PPME1: variants seen among roughly 807,000 people sequenced by gnomAD.
The protein encoded by PPME1 is testicular secretory protein Li 39.
A neutral mutation model predicts 56.9 loss-of-function variants in PPME1; 17 were observed. That is an observed-to-expected ratio of 0.30 (90% CI 0.20 to 0.45). The LOEUF (loss-of-function observed/expected upper bound fraction) is 0.45, where lower values mean the gene tolerates loss of function less well. Ranked by LOEUF, PPME1 falls within the 20% of genes least tolerant of loss-of-function variation. The probability of loss-of-function intolerance (pLI) is 1.00; values close to 1 mark genes in which losing one functional copy is unlikely to be tolerated. For synonymous variants in PPME1, 122 were observed against 156.2 expected (o/e 0.78, Z 1.63); for missense variants, 357 against 483.2 (o/e 0.74, Z 2.45).
Position 74,236,002 on chromosome 11 carries a change from G to A in PPME1, c.710+36G>A, listed in dbSNP as rs376466141. On this transcript the variant is annotated intron_variant, in intron 8 of 13. Transcript: ENST00000328257. ...CTCTTCCCCCTTGGTCTGGTTAGAG[G>A]CGGAAACATGGTGAGGGAATTACAG... 20 of 1,602,904 alleles carry A rather than the reference G, an allele frequency of 1.2e-5. No homozygotes were observed. In the African/African-American group the frequency reaches 2.4e-4, roughly 19 times the overall value.
At chr11:74,237,026 G>A (rs1412060472) in intron 8 of PPME1, among the ~76,000 whole-genome samples, 3 of 149,378 alleles carry the variant, frequency 2.0e-5, no homozygotes, top group African/African-American at 7.3e-5. Flanking sequence ...TTCCACTTCT[G>A]TCTCCCTCTT....
chr11:74,217,782 CAAT>C (rs2135642871), intron 3 of PPME1, among the ~76,000 whole-genome samples: 1 of 151,298 alleles, frequency 6.6e-6, no homozygotes, highest in South Asian at 2.1e-4. Flanking sequence ...GAATGTAACA[CAAT>C]AAAAGCCATA....
intron 1 of PPME1, among the ~76,000 whole-genome samples, chr11:74,200,035 A>G (rs1236396872): frequency 6.6e-6 from 1 of 152,174 alleles, no homozygotes. Flanking sequence ...AGTAACTTAA[A>G]CTTGTTATGC....
intron 8 of PPME1, chr11:74,238,703 C>A (rs1218028590): frequency 3.3e-5 from 5 of 152,760 alleles, no homozygotes; most frequent in Non-Finnish European, 7.3e-5. Context: ...GAGCCTTGTT[C>A]TACTATAAGC....
At chr11:74,212,726 C>G (rs1858512489) in intron 3 of PPME1, among the ~76,000 whole-genome samples, 1 of 152,116 alleles carries the variant, frequency 6.6e-6, no homozygotes, top group African/African-American at 2.4e-5. Context: ...AATTCCCAGA[C>G]AGCATGACAC....
At chr11:74,172,985 G>T (rs1857314081) in intron 1 of PPME1, among the ~76,000 whole-genome samples, 1 of 152,162 alleles carries the variant, frequency 6.6e-6, no homozygotes, top group South Asian at 2.1e-4. Flanking sequence ...TGGGGTAAAG[G>T]AATGGGAAAA....
rs1859049441 is a variant in PPME1 at position 74,230,942 on chromosome 11, A to G, written c.584A>G (p.Gln195Arg). The change falls in exon 7 of 14, where the codon CAG (glutamine) becomes CGG (arginine). Residue 195 changes from glutamine (Q) to arginine (R), a missense_variant. This residue lies in a region of PPME1 where 182 missense variants were observed against 293.8 expected (regional missense o/e 0.62). Transcript: ENST00000328257. The surrounding 1 kb of genome is among the most constrained non-coding windows in gnomAD (Gnocchi z 4.9). Reference protein sequence around the residue: ...GTAMDALNSMQNFLRGRPKTF... With the variant: ...GTAMDALNSMRNFLRGRPKTF... ...GCTATGGATGCACTTAATAGCATGC[A>G]GAATTTCTTACGGGGTCGTCCTAAA... 6.2e-7 allele frequency: 1 copy of G among 1,604,574 alleles called. No individual in the cohort carries two copies. Among genetic ancestry groups the G allele is most frequent in the Non-Finnish European group, 8.5e-7 (1 of 1,175,338 alleles).
At chr11:74,184,424 G>A (rs111711537) in intron 1 of PPME1, among the ~76,000 whole-genome samples, 1 of 152,058 alleles carries the variant, frequency 6.6e-6, no homozygotes, top group African/African-American at 2.4e-5. Flanking sequence ...ATGTGTCTTG[G>A]TATTCCCACC....
At chr11:74,212,110 G>C (rs1454018706) in intron 3 of PPME1, among the ~76,000 whole-genome samples, 1 of 152,200 alleles carries the variant, frequency 6.6e-6, no homozygotes, top group South Asian at 2.1e-4. Flanking sequence ...GGATAGAAAC[G>C]ACAGTCTTGA....
chr11:74,220,144 C>T (rs1009131466), intron 3 of PPME1, among the ~76,000 whole-genome samples: 19 of 152,120 alleles, frequency 1.2e-4, no homozygotes, highest in African/African-American at 4.3e-4. Flanking sequence ...ACCTATTTCT[C>T]CACACTTTCA....
At chr11:74,216,597 A>G (rs1858651409) in intron 3 of PPME1, among the ~76,000 whole-genome samples, 1 of 152,172 alleles carries the variant, frequency 6.6e-6, no homozygotes, top group Non-Finnish European at 1.5e-5. Flanking sequence ...AAGAGCAAGA[A>G]CAAACCAAAC....
intron 3 of PPME1, among the ~76,000 whole-genome samples, chr11:74,217,199 C>G (rs1179049268): frequency 6.6e-6 from 1 of 152,090 alleles, no homozygotes; most frequent in East Asian, 1.9e-4. Flanking sequence ...AACATTGATG[C>G]AGAAATCATC....
chr11:74,230,385 T>C lies in PPME1; in HGVS notation c.539T>C (p.Ile180Thr). ...LVPSLLGLCM[I>T]DVVEGTAMDA... ...CCAAGCCTCTTGGGTCTGTGCATGA[T>C]TGATGTTGTAGAAGGTGAGTTTTCT... Residue 180 changes from isoleucine to threonine, a missense_variant, in exon 6 of 14, where the codon ATT becomes ACT. Around this residue, in one of 2 missense-constraint regions of PPME1, gnomAD observed 182 missense variants for 293.8 expected, o/e 0.62. Transcript: ENST00000328257. The surrounding 1 kb of genome is among the most constrained non-coding windows in gnomAD (Gnocchi z 4.9). 6.2e-7 allele frequency: 1 copy of C among 1,613,806 alleles called. No individual in the cohort carries two copies. Among genetic ancestry groups the C allele is most frequent in the Non-Finnish European group, 8.5e-7 (1 of 1,179,784 alleles).
chr11:74,190,030 A>C (rs1027762541), intron 1 of PPME1, among the ~76,000 whole-genome samples: 11 of 152,252 alleles, frequency 7.2e-5, no homozygotes, highest in African/African-American at 2.7e-4. Flanking sequence ...TTGAGTGCTG[A>C]CATGACACAA....
chr11:74,237,515 TC>T (rs1336990160), intron 8 of PPME1, among the ~76,000 whole-genome samples: 1 of 151,994 alleles, frequency 6.6e-6, no homozygotes, highest in Non-Finnish European at 1.5e-5. Flanking sequence ...GACCTCATGA[TC>T]CGCCCACCTC....
intron 1 of PPME1, among the ~76,000 whole-genome samples, chr11:74,183,251 C>T (rs531824675): frequency 2.0e-5 from 3 of 152,108 alleles, no homozygotes; most frequent in Non-Finnish European, 4.4e-5. Context: ...GAGCCATGAT[C>T]GTGACACTGT....
At position 74,171,431 on chromosome 11, in the gene PPME1, C is replaced by G; in HGVS notation, c.10C>G (p.Leu4Val). Residue 4 changes from leucine (L) to valine (V), a missense_variant, in exon 1 of 14, where the codon CTC (leucine) becomes GTC (valine). Leu to Val is a conservative substitution (Grantham distance 32, BLOSUM62 1). Transcript: ENST00000328257. MSA[L>V]EKSMHLGRLP... ...GTGCAGCCTCCCCTCGATGTCGGCC[C>G]TCGAAAAGAGCATGCACCTCGGCCG... 2 of 1,612,276 alleles carry G rather than the reference C, an allele frequency of 1.2e-6. No homozygotes were observed. Among genetic ancestry groups the G allele is most frequent in the Non-Finnish European group, 1.7e-6 (2 of 1,179,326 alleles).
intron 1 of PPME1, among the ~76,000 whole-genome samples, chr11:74,200,367 G>A (rs1170646843): frequency 6.9e-6 from 1 of 144,562 alleles, no homozygotes; most frequent in Non-Finnish European, 1.5e-5. Context: ...TTGTGTGTGT[G>A]TGTGTGTGTG....
intron 3 of PPME1, 81 bp downstream of exon 3, chr11:74,204,526 C>A: frequency 8.2e-7 from 1 of 1,220,156 alleles, no homozygotes; most frequent in Non-Finnish European, 1.2e-6. Flanking sequence ...TGGAAGTTAA[C>A]ACATTCTATT....
Sources: allele counts gnomAD v4.1 joint callset (sites outside exome capture counted in the v4.1 genomes callset), GRCh38; gene constraint gnomAD v4.1.1; regional missense constraint gnomAD v4.1.1; non-coding constraint Gnocchi (gnomAD v3.1); transcripts MANE v1.5; gene names NCBI Gene and HGNC (gene_info 2026-07-23, HGNC 2026-07-21).